The following GALNT13 variants were observed in gnomAD, a reference collection of about 807,000 sequenced individuals.
The protein encoded by GALNT13 is UDP-GalNAc:polypeptide N-acetylgalactosaminyltransferase 13.
Under a neutral mutation model 64.2 loss-of-function variants are expected in GALNT13, and 28 were observed. The ratio of observed to expected loss-of-function variants is 0.44; its 90% CI spans 0.32 to 0.60. The LOEUF is 0.60. Among genes scored for constraint, GALNT13 ranks in the 20% least tolerant of loss-of-function variants. GALNT13 has a pLI of 0.05. For missense variants in GALNT13, 577 were observed against 669.8 expected, an observed-to-expected ratio of 0.86 and a Z score of 1.53; for synonymous variants, 214 against 224.6, an observed-to-expected ratio of 0.95 and a Z score of 0.42.
At chr2:153,404,055 A>G in the GALNT13 span, among the ~76,000 whole-genome samples, 2 of 152,192 alleles carry the variant, frequency 1.3e-5, no homozygotes, top group African/African-American at 4.8e-5. Flanking sequence ...CTCCCCTTTC[A>G]TTAGGGAAGT....
chr2:154,133,540 A>ATATATATATG (rs1188681365), intron 3 of GALNT13, among the ~76,000 whole-genome samples: 3 of 12,712 alleles, frequency 2.4e-4, no homozygotes, highest in African/African-American at 7.6e-4. Flanking sequence ...CATTTTATAT[A>ATATATATATG]TATATATATA....
chr2:153,739,622 TTTA>T, the GALNT13 span, among the ~76,000 whole-genome samples: 1 of 68,826 alleles, frequency 1.5e-5, no homozygotes, highest in African/African-American at 3.7e-5. Flanking sequence ...TGAGATTTTA[TTTA>T]TTATTTTATT....
chr2:153,389,054 C>T, the GALNT13 span, among the ~76,000 whole-genome samples: 2 of 152,004 alleles, frequency 1.3e-5, no homozygotes, highest in Non-Finnish European at 2.9e-5. Context: ...GGAAACAGCT[C>T]CTGTCAATAC....
At chr2:154,275,236 G>A (rs1224688265) in intron 8 of GALNT13, among the ~76,000 whole-genome samples, 1 of 152,148 alleles carries the variant, frequency 6.6e-6, no homozygotes, top group East Asian at 1.9e-4. Context: ...TAAGTAACAA[G>A]GAGCCAAATA....
chr2:153,603,245 C>T, the GALNT13 span, among the ~76,000 whole-genome samples: 1 of 151,708 alleles, frequency 6.6e-6, no homozygotes, highest in African/African-American at 2.4e-5. Flanking sequence ...TCCATATGGA[C>T]ATAATGACTG....
the GALNT13 span, among the ~76,000 whole-genome samples, chr2:153,101,529 T>C: frequency 6.6e-6 from 1 of 152,216 alleles, no homozygotes; most frequent in African/African-American, 2.4e-5. Context: ...TTATTTGCCA[T>C]TATCTGAAAT....
chr2:154,265,871 A>C (rs1374512553), intron 8 of GALNT13, among the ~76,000 whole-genome samples: 1 of 152,236 alleles, frequency 6.6e-6, no homozygotes, highest in African/African-American at 2.4e-5. Context: ...TTCTAAATAA[A>C]ATTAGCAAAT....
the GALNT13 span, among the ~76,000 whole-genome samples, chr2:153,788,402 AT>A: frequency 0.018 from 2,614 of 148,334 alleles, 66 homozygotes; most frequent in African/African-American, 0.058. Context: ...TGCTGAGGGA[AT>A]TTTTTTTTTT....
intron 3 of GALNT13, among the ~76,000 whole-genome samples, chr2:154,087,892 C>T (rs1701613214): frequency 6.6e-6 from 1 of 152,050 alleles, no homozygotes; most frequent in Non-Finnish European, 1.5e-5. Context: ...ATTATGAAAG[C>T]CAGAAAACAA....
the GALNT13 span, among the ~76,000 whole-genome samples, chr2:153,368,683 G>T: frequency 6.6e-6 from 1 of 152,004 alleles, no homozygotes; most frequent in Non-Finnish European, 1.5e-5. Context: ...AACACAAATT[G>T]AAAAAGCTGA....
intron 4 of GALNT13, among the ~76,000 whole-genome samples, chr2:154,181,622 T>C (rs1390877804): frequency 2.0e-5 from 3 of 152,072 alleles, no homozygotes; most frequent in Non-Finnish European, 4.4e-5. Context: ...AACTATAAAA[T>C]ACATTCTTTT....
chr2:153,276,835 A>G, the GALNT13 span, among the ~76,000 whole-genome samples: 1 of 152,178 alleles, frequency 6.6e-6, no homozygotes, highest in South Asian at 2.1e-4. Flanking sequence ...TATTTTCTCT[A>G]ACTATATAGC....
At chr2:153,417,282 T>G in the GALNT13 span, among the ~76,000 whole-genome samples, 8 of 152,086 alleles carry the variant, frequency 5.3e-5, no homozygotes, top group African/African-American at 1.9e-4. Context: ...CAAATGAAAT[T>G]ATGGGAGACG....
At chr2:154,298,511 T>TTG (rs1343763333) in intron 8 of GALNT13, among the ~76,000 whole-genome samples, 34 of 124,948 alleles carry the variant, frequency 2.7e-4, no homozygotes, top group Non-Finnish European at 3.8e-4. Context: ...CATATATAAA[T>TTG]TATATATTAT....
intron 12 of GALNT13, among the ~76,000 whole-genome samples, chr2:154,449,091 T>A (rs778397501): frequency 1.3e-5 from 2 of 152,052 alleles, no homozygotes; most frequent in Non-Finnish European, 2.9e-5. Flanking sequence ...AAATCAGCCA[T>A]CTTCTTGCCT....
At chr2:154,145,100 C>CTATCTATCTA (rs796615512) in intron 4 of GALNT13, among the ~76,000 whole-genome samples, 1,440 of 119,460 alleles carry the variant, frequency 0.012, 20 homozygotes, top group South Asian at 0.039. Flanking sequence ...ATCTATCTAT[C>CTATCTATCTA]TATATATATA....
At chr2:153,269,192 A>T in the GALNT13 span, among the ~76,000 whole-genome samples, 98 of 152,262 alleles carry the variant, frequency 6.4e-4, no homozygotes, top group Admixed American at 2.0e-3. Context: ...TAAAAAAAAT[A>T]AAAGTTTCAC....
chr2:153,345,670 T>TCTTTCTTTCTTTCTTTCTTTCTTC, the GALNT13 span, among the ~76,000 whole-genome samples: 12 of 143,898 alleles, frequency 8.3e-5, no homozygotes, highest in African/African-American at 3.2e-4. Context: ...TTTCTTTCTT[T>TCTTTCTTTCTTTCTTTCTTTCTTC]CTTTCTTTCT....
At chr2:153,860,571 AAAGCTTATGG>A in the GALNT13 span, among the ~76,000 whole-genome samples, 2 of 152,150 alleles carry the variant, frequency 1.3e-5, no homozygotes, top group Admixed American at 1.3e-4. Context: ...ATCCATATGC[AAAGCTTATGG>A]AAGGGTCAGC....
Sources: allele counts gnomAD v4.1 joint callset (sites outside exome capture counted in the v4.1 genomes callset), GRCh38; gene constraint gnomAD v4.1.1; transcripts MANE v1.5; gene names NCBI Gene and HGNC (gene_info 2026-07-23, HGNC 2026-07-21).